ESR2: variants seen among roughly 807,000 people sequenced by gnomAD.
ESR2 encodes estrogen receptor 2, also known as estrogen receptor beta.
Under a neutral mutation model 49.6 loss-of-function variants are expected in ESR2, and 36 were observed. The observed-to-expected ratio is 0.73, with a 90% confidence interval of 0.56 to 0.96. ESR2 has a LOEUF of 0.96. ESR2 is among the 40% of genes least tolerant of loss of function. The pLI is 0.00. For missense variants in ESR2, 714 were observed against 693.0 expected, an observed-to-expected ratio of 1.03 and a Z score of -0.34; for synonymous variants, 320 against 266.1, an observed-to-expected ratio of 1.20 and a Z score of -1.97.
chr14:64,330,799 C>T (rs2077445794), intron 1 of ESR2: 2 of 152,088 alleles, frequency 1.3e-5, no homozygotes, highest in Admixed American at 1.3e-4. Context: ...GCAGCAGGCA[C>T]CTGTAATCCC....
At chr14:64,244,618 C>T (rs891837034) in intron 7 of ESR2, among the ~76,000 whole-genome samples, 1 of 152,166 alleles carries the variant, frequency 6.6e-6, no homozygotes. Context: ...ACACCAGTGG[C>T]CTCCCAGTTT....
intron 1 of ESR2, among the ~76,000 whole-genome samples, chr14:64,303,325 A>ATTT (rs2077049876): frequency 6.7e-6 from 1 of 148,228 alleles, no homozygotes; most frequent in South Asian, 2.1e-4. Context: ...CAGTTTGAAT[A>ATTT]TTGTCTTTTT....
At chr14:64,243,381 A>C (rs1374369638) in intron 7 of ESR2, among the ~76,000 whole-genome samples, 1 of 152,268 alleles carries the variant, frequency 6.6e-6, no homozygotes, top group East Asian at 1.9e-4. Flanking sequence ...AGTGTTATCA[A>C]AATTTGACAC....
chr14:64,320,900 A>G (rs1264804102), intron 1 of ESR2, among the ~76,000 whole-genome samples: 2 of 152,128 alleles, frequency 1.3e-5, no homozygotes, highest in African/African-American at 4.8e-5. Context: ...CGCCTCAATA[A>G]TAATAATAAT....
chr14:64,281,292 G>A (rs1157112688), intron 2 of ESR2, among the ~76,000 whole-genome samples: 1 of 152,150 alleles, frequency 6.6e-6, no homozygotes, highest in Non-Finnish European at 1.5e-5. Context: ...TCCTGATGTT[G>A]CCAGGCATGG....
chr14:64,268,944 T>A, intron 3 of ESR2, 33 bp from the exon 4 acceptor site: 1 of 1,180,074 alleles, frequency 8.5e-7, no homozygotes, highest in Non-Finnish European at 1.3e-6. Context: ...AAAAGATTAT[T>A]GCTATGATCT....
intron 4 of ESR2, among the ~76,000 whole-genome samples, chr14:64,261,226 A>ATTTT (rs1567754632): frequency 2.8e-5 from 2 of 70,744 alleles, no homozygotes; most frequent in East Asian, 3.9e-4. Flanking sequence ...TAATGCTTTT[A>ATTTT]TTTTTCTTTT....
At chr14:64,244,120 C>T (rs1433450241) in intron 7 of ESR2, among the ~76,000 whole-genome samples, 1 of 152,112 alleles carries the variant, frequency 6.6e-6, no homozygotes, top group Admixed American at 6.5e-5. Flanking sequence ...GGACTAAGGC[C>T]AGGCACAGTG....
intron 6 of ESR2, among the ~76,000 whole-genome samples, chr14:64,252,136 G>A (rs2075999804): frequency 6.6e-6 from 1 of 152,046 alleles, no homozygotes; most frequent in Non-Finnish European, 1.5e-5. Flanking sequence ...GGGCGATGTA[G>A]CAAGACCTTG....
chr14:64,261,972 A>AG (rs1486646918), intron 4 of ESR2, among the ~76,000 whole-genome samples: 2 of 152,134 alleles, frequency 1.3e-5, no homozygotes, highest in Non-Finnish European at 2.9e-5. Flanking sequence ...AGTCCTCAAT[A>AG]GTTTGACTGT....
chr14:64,260,257 G>A lies in ESR2; in HGVS notation c.952+192C>T, dbSNP rs545582577. 41 of 769,552 alleles carry A rather than the reference G, an allele frequency of 5.3e-5. No individual in the cohort carries two copies. In the African/African-American group the frequency reaches 5.8e-4, roughly 11 times the overall value. 47.7% of individuals were successfully genotyped at this position (769,552 alleles called of 1,614,324 possible). A position where few individuals can be genotyped will look rare whatever the true frequency, so the allele number is the denominator to read the frequency against. On this transcript the variant is annotated intron_variant, in intron 5 of 8. Coordinates refer to ENST00000341099, the MANE Select transcript of ESR2 (RefSeq NM_001437.3). Reference sequence around the variant, plus strand: ...GTCTCAGAATTCTAAATCAGAACACGGCCTTGTTGAAGGTAGGTATGCCAA... The same window carrying A: ...GTCTCAGAATTCTAAATCAGAACACAGCCTTGTTGAAGGTAGGTATGCCAA...
At chr14:64,254,584 TAAA>T (rs60183978) in intron 6 of ESR2, among the ~76,000 whole-genome samples, 2 of 131,916 alleles carry the variant, frequency 1.5e-5, no homozygotes, top group Non-Finnish European at 1.7e-5. Context: ...CCGTCTCCAC[TAAA>T]AAAAAAAAAA....
chr14:64,271,784 T>C (rs2076451862), intron 3 of ESR2, among the ~76,000 whole-genome samples: 1 of 152,256 alleles, frequency 6.6e-6, no homozygotes, highest in Non-Finnish European at 1.5e-5. Flanking sequence ...TTCCACATTT[T>C]CTTTATCTAT....
intron 1 of ESR2, among the ~76,000 whole-genome samples, chr14:64,322,546 T>C (rs1406916657): frequency 6.6e-6 from 1 of 150,818 alleles, no homozygotes; most frequent in East Asian, 1.9e-4. Context: ...AAGATCCTTA[T>C]CTTCACTAGT....
At chr14:64,287,140 A>C (rs1274881078) in intron 1 of ESR2, among the ~76,000 whole-genome samples, 1 of 152,094 alleles carries the variant, frequency 6.6e-6, no homozygotes, top group Non-Finnish European at 1.5e-5. Context: ...TTATTGTGCA[A>C]CCAATCTCTA....
At chr14:64,288,532 T>C (rs1481059749) in intron 1 of ESR2, among the ~76,000 whole-genome samples, 4 of 151,812 alleles carry the variant, frequency 2.6e-5, no homozygotes, top group African/African-American at 9.7e-5. Context: ...TATTTTTTAG[T>C]AGAGACGGGG....
chr14:64,313,488 C>T (rs2077207774), intron 1 of ESR2, among the ~76,000 whole-genome samples: 1 of 134,738 alleles, frequency 7.4e-6, no homozygotes, highest in East Asian at 2.1e-4. Context: ...GAGCCGAGAT[C>T]AGGCCACTGC....
intron 1 of ESR2, among the ~76,000 whole-genome samples, chr14:64,331,887 T>C (rs1460812788): frequency 6.6e-6 from 1 of 151,576 alleles, no homozygotes; most frequent in Non-Finnish European, 1.5e-5. Flanking sequence ...TTCTCTCCCT[T>C]TTCCAACACT....
At chr14:64,249,785 T>C in intron 6 of ESR2, 106 bp from the exon 7 acceptor site, 1 of 1,147,366 alleles carries the variant, frequency 8.7e-7, no homozygotes, top group Non-Finnish European at 1.2e-6. Context: ...TTGTAACATG[T>C]TCATCTGATA....
Sources: gnomAD v4.1 joint callset for allele counts (sites outside exome capture counted in the v4.1 genomes callset) on GRCh38, gnomAD v4.1.1 for gene constraint, MANE v1.5 for transcripts, NCBI Gene and HGNC (gene_info 2026-07-23, HGNC 2026-07-21) for gene names.